The following SCAPER variants were observed in gnomAD, a reference collection of about 807,000 sequenced individuals.
The protein encoded by SCAPER is S phase cyclin A-associated protein in the endoplasmic reticulum.
Under a neutral mutation model 182.2 loss-of-function variants are expected in SCAPER, and 98 were observed. That is an observed-to-expected ratio of 0.54 (90% confidence interval 0.46 to 0.64). SCAPER has a LOEUF of 0.64. Among genes scored for constraint, SCAPER ranks in the 30% least tolerant of loss-of-function variants. The pLI is 0.00. For missense variants in SCAPER, 1,432 were observed against 1,690.0 expected (o/e 0.85, Z 2.68); for synonymous variants, 605 against 564.6 (o/e 1.07, Z -1.01).
chr15:76,457,966 A>G (rs1335420399), intron 25 of SCAPER, among the ~76,000 whole-genome samples: 1 of 151,746 alleles, frequency 6.6e-6, no homozygotes, highest in Non-Finnish European at 1.5e-5. Flanking sequence ...TTGTCAACAA[A>G]TTCTCGGAGG....
intron 1 of SCAPER, among the ~76,000 whole-genome samples, chr15:76,888,669 G>A (rs1443211240): frequency 6.6e-6 from 1 of 152,204 alleles, no homozygotes; most frequent in Non-Finnish European, 1.5e-5. Flanking sequence ...CAAGAAATAT[G>A]CACTATGTGA....
intron 20 of SCAPER, among the ~76,000 whole-genome samples, chr15:76,667,822 A>G (rs1436332332): frequency 6.6e-6 from 1 of 151,558 alleles, no homozygotes; most frequent in African/African-American, 2.4e-5. Context: ...GCATGGTGGT[A>G]TATGCCTGTA....
At chr15:76,776,454 A>C (rs1359335375) in intron 8 of SCAPER, among the ~76,000 whole-genome samples, 1 of 152,118 alleles carries the variant, frequency 6.6e-6, no homozygotes, top group Non-Finnish European at 1.5e-5. Context: ...AATAGTGAAC[A>C]AAGTCTCCTC....
intron 20 of SCAPER, among the ~76,000 whole-genome samples, chr15:76,666,822 G>A (rs1041730773): frequency 6.6e-6 from 1 of 152,220 alleles, no homozygotes; most frequent in East Asian, 1.9e-4. Context: ...ACAGCTAAAT[G>A]TATCAAACAA....
intron 22 of SCAPER, among the ~76,000 whole-genome samples, chr15:76,618,006 C>A (rs1200542893): frequency 6.6e-6 from 1 of 152,158 alleles, no homozygotes; most frequent in Non-Finnish European, 1.5e-5. Flanking sequence ...CACCTATAAT[C>A]CCAGCACTTC....
chr15:76,674,764 G>C (rs1269689831), intron 20 of SCAPER, among the ~76,000 whole-genome samples: 9 of 152,094 alleles, frequency 5.9e-5, no homozygotes, highest in Admixed American at 5.9e-4. Context: ...CTGTATTTTG[G>C]TGCTTCTATA....
At chr15:76,737,699 T>C (rs766971088) in intron 15 of SCAPER, among the ~76,000 whole-genome samples, 1 of 152,244 alleles carries the variant, frequency 6.6e-6, no homozygotes, top group African/African-American at 2.4e-5. Flanking sequence ...TTCATCTGCA[T>C]TGCAAATCTC....
At chr15:76,436,414 CT>C in intron 25 of SCAPER, among the ~76,000 whole-genome samples, 1 of 152,214 alleles carries the variant, frequency 6.6e-6, no homozygotes, top group African/African-American at 2.4e-5. Flanking sequence ...TTGGAAAATA[CT>C]TTTTCTCTGG....
chr15:76,711,474 C>T (rs925447671), intron 17 of SCAPER, among the ~76,000 whole-genome samples: 7 of 152,240 alleles, frequency 4.6e-5, no homozygotes, highest in African/African-American at 7.2e-5. Flanking sequence ...TAATGAAATA[C>T]GACCACACAC....
At chr15:76,816,382 G>T (rs554355535) in intron 5 of SCAPER, among the ~76,000 whole-genome samples, 2 of 150,310 alleles carry the variant, frequency 1.3e-5, no homozygotes, top group East Asian at 1.9e-4. Flanking sequence ...TTTAACTTTT[G>T]TTAAAAATGA....
chr15:76,829,589 T>C (rs1041953247), intron 5 of SCAPER, among the ~76,000 whole-genome samples: 1 of 152,096 alleles, frequency 6.6e-6, no homozygotes, highest in Non-Finnish European at 1.5e-5. Context: ...CTTCAACTCC[T>C]TTTACTCTAT....
At chr15:76,389,945 A>T (rs533586069) in intron 27 of SCAPER, among the ~76,000 whole-genome samples, 2 of 152,046 alleles carry the variant, frequency 1.3e-5, no homozygotes, top group African/African-American at 4.8e-5. Context: ...TTTCAGGTGA[A>T]CTCAAAGAGG....
chr15:76,521,750 T>A (rs537226745), intron 23 of SCAPER, among the ~76,000 whole-genome samples: 107 of 152,358 alleles, frequency 7.0e-4, no homozygotes, highest in Non-Finnish European at 1.0e-3. Flanking sequence ...GAAGTATTAA[T>A]GTCTTTAATA....
rs968572521 is a variant in SCAPER, at chr15:76,598,789, C to T, written c.2711+22975G>A. ...ACACAGGGAAGGAAACATCACACAC[C>T]GGGGCCTGTTGGGGTTAGGGGGATA... On this transcript the variant is annotated intron_variant, in intron 22 of 31. Coordinates refer to ENST00000563290, the MANE Select transcript of SCAPER (RefSeq NM_020843.4). Among the ~76,000 whole-genome samples, 15 of 119,008 alleles carry T rather than the reference C, an allele frequency of 1.3e-4. 2 individuals carry two copies. The highest frequency in any genetic ancestry group is 3.1e-4 in the African/African-American group (12 of 39,202). 78.1% of individuals were successfully genotyped at this position (119,008 alleles called of 152,430 possible).
chr15:76,765,799 T>C (rs894760252), intron 11 of SCAPER, among the ~76,000 whole-genome samples, 161 bp from the exon 12 acceptor site: 4 of 152,196 alleles, frequency 2.6e-5, no homozygotes, highest in Non-Finnish European at 4.4e-5. Flanking sequence ...ATCAAAATAA[T>C]TGCCAAGTTA....
rs1441837995 is a variant in SCAPER at position 76,572,909 on chromosome 15, T to TCA, written c.2838+1248_2838+1249insTG. Among the ~76,000 whole-genome samples, 211 of 52,266 alleles carry TCA rather than the reference T, an allele frequency of 4.0e-3. 1 individual carries two copies. The highest frequency in any genetic ancestry group is 7.9e-3 in the African/African-American group (163 of 20,720). The allele number at this position is 52,266 out of a possible 152,430, so 34.3% of individuals were successfully genotyped here. ...CGTGCACTCTCTCTCTCTCTCTCTC[T>TCA]CTCTCTCTCTCACACACACACACAC... On this transcript the variant is annotated intron_variant, in intron 23 of 31. Transcript: ENST00000563290.
intron 6 of SCAPER, among the ~76,000 whole-genome samples, chr15:76,803,620 T>A (rs1315793509): frequency 6.6e-6 from 1 of 152,194 alleles, no homozygotes; most frequent in African/African-American, 2.4e-5. Context: ...TGCCAGCAGA[T>A]TCAACGTCTG....
intron 22 of SCAPER, among the ~76,000 whole-genome samples, chr15:76,615,916 A>G (rs2146009640): frequency 6.6e-6 from 1 of 152,280 alleles, no homozygotes; most frequent in South Asian, 2.1e-4. Context: ...CGAAACTAAA[A>G]TGAGATACTA....
intron 23 of SCAPER, among the ~76,000 whole-genome samples, chr15:76,545,216 G>A (rs2045160740): frequency 1.3e-5 from 2 of 152,040 alleles, no homozygotes; most frequent in South Asian, 4.1e-4. Flanking sequence ...AATGGTTATT[G>A]TGGGCAATGG....
Sources: allele counts gnomAD v4.1 joint callset (sites outside exome capture counted in the v4.1 genomes callset), GRCh38; gene constraint gnomAD v4.1.1; transcripts MANE v1.5; gene names NCBI Gene and HGNC (gene_info 2026-07-23, HGNC 2026-07-21).